The following PACRG variants were observed in gnomAD, a reference collection of about 807,000 sequenced individuals.
PACRG encodes the protein parkin coregulated gene protein.
In PACRG, 29 loss-of-function variants were observed where a neutral mutation model predicts 29.7. The ratio of observed to expected loss-of-function variants is 0.98; its 90% CI spans 0.73 to 1.33. The LOEUF is 1.33. Among genes scored for constraint, PACRG ranks in the 40% most tolerant of loss-of-function variants. PACRG has a pLI of 0.00. For synonymous variants in PACRG, 116 were observed against 118.7 expected, an observed-to-expected ratio of 0.98 and a Z score of 0.15; for missense variants, 279 against 316.2, an observed-to-expected ratio of 0.88 and a Z score of 0.89.
At chr6:163,293,514 T>TA (rs2128187869) in intron 4 of PACRG, among the ~76,000 whole-genome samples, 1 of 151,634 alleles carries the variant, frequency 6.6e-6, no homozygotes, top group East Asian at 1.9e-4. Context: ...GCTGACCGTG[T>TA]AGCTGACAGT....
At chr6:162,995,139 T>C (rs1485271238) in intron 2 of PACRG, among the ~76,000 whole-genome samples, 16 of 149,952 alleles carry the variant, frequency 1.1e-4, no homozygotes, top group African/African-American at 4.0e-4. Context: ...CACTGCTCTC[T>C]TCAAAGCTGT....
At chr6:162,867,796 CA>C in intron 2 of PACRG, among the ~76,000 whole-genome samples, 1 of 152,252 alleles carries the variant, frequency 6.6e-6, no homozygotes, top group Non-Finnish European at 1.5e-5. Flanking sequence ...TTTTCTCCAG[CA>C]AGAGAAGATG....
intron 2 of PACRG, among the ~76,000 whole-genome samples, chr6:162,859,582 C>T (rs999217948): frequency 5.9e-5 from 9 of 152,114 alleles, no homozygotes; most frequent in African/African-American, 2.2e-4. Context: ...TTCATAGAAA[C>T]CAAAATTTCT....
At chr6:162,773,660 G>T (rs1161335247) in intron 1 of PACRG, among the ~76,000 whole-genome samples, 3 of 151,306 alleles carry the variant, frequency 2.0e-5, no homozygotes, top group Non-Finnish European at 2.9e-5. Flanking sequence ...GACTACAGGC[G>T]CCCGCCACCG....
chr6:162,759,375 G>A (rs1330830636), intron 1 of PACRG, among the ~76,000 whole-genome samples: 2 of 152,158 alleles, frequency 1.3e-5, no homozygotes, highest in East Asian at 1.9e-4. Flanking sequence ...AACCATGGCT[G>A]TAGGTTATGT....
intron 4 of PACRG, among the ~76,000 whole-genome samples, chr6:163,168,400 C>T (rs978491043): frequency 4.8e-5 from 7 of 146,888 alleles, no homozygotes; most frequent in South Asian, 4.8e-4. Context: ...TCCCTGGGGC[C>T]GGGGTTGCGG....
At chr6:163,172,575 T>A (rs1779139940) in intron 4 of PACRG, among the ~76,000 whole-genome samples, 1 of 152,188 alleles carries the variant, frequency 6.6e-6, no homozygotes, top group Non-Finnish European at 1.5e-5. Context: ...GGAAGAAGAA[T>A]GCAGCGTTCA....
chr6:162,987,667 C>T (rs1187452881), intron 2 of PACRG, among the ~76,000 whole-genome samples: 1 of 152,176 alleles, frequency 6.6e-6, no homozygotes, highest in African/African-American at 2.4e-5. Context: ...GTCCATTAAA[C>T]CTCTTTTTCT....
At chr6:162,844,511 G>T in intron 2 of PACRG, among the ~76,000 whole-genome samples, 1 of 152,208 alleles carries the variant, frequency 6.6e-6, no homozygotes, top group East Asian at 1.9e-4. Context: ...TCCCTAGTGA[G>T]ATGAACCCGG....
intron 2 of PACRG, among the ~76,000 whole-genome samples, chr6:162,967,428 C>T (rs1188093315): frequency 6.6e-6 from 1 of 152,014 alleles, no homozygotes; most frequent in Non-Finnish European, 1.5e-5. Context: ...ATCTATGTCA[C>T]ATCTACTGTG....
chr6:163,162,874 A>T (rs1778615878), intron 4 of PACRG, among the ~76,000 whole-genome samples: 1 of 152,184 alleles, frequency 6.6e-6, no homozygotes, highest in Non-Finnish European at 1.5e-5. Flanking sequence ...AGACAGAGCC[A>T]GTCCTTCTGG....
At chr6:162,787,598 A>G (rs1354606245) in intron 1 of PACRG, among the ~76,000 whole-genome samples, 6 of 136,928 alleles carry the variant, frequency 4.4e-5, no homozygotes, top group East Asian at 2.3e-4. Flanking sequence ...ATATATATAT[A>G]TATATATATA....
intron 2 of PACRG, among the ~76,000 whole-genome samples, chr6:162,894,813 A>T (rs1219494832): frequency 6.6e-6 from 1 of 152,226 alleles, no homozygotes; most frequent in Admixed American, 6.5e-5. Flanking sequence ...GAACATTTTC[A>T]TTGAAACAGA....
At chr6:163,010,469 C>T (rs1458565135) in intron 2 of PACRG, among the ~76,000 whole-genome samples, 1 of 152,146 alleles carries the variant, frequency 6.6e-6, no homozygotes, top group Non-Finnish European at 1.5e-5. Context: ...CAATCCTACT[C>T]ATCCATCAGT....
At chr6:162,783,024 C>G (rs1413344811) in intron 1 of PACRG, among the ~76,000 whole-genome samples, 1 of 151,812 alleles carries the variant, frequency 6.6e-6, no homozygotes. Flanking sequence ...CCACTTTTTT[C>G]TCCACTAACT....
chr6:163,300,297 A>G (rs143663523), intron 4 of PACRG, among the ~76,000 whole-genome samples: 1 of 152,362 alleles, frequency 6.6e-6, no homozygotes, highest in East Asian at 1.9e-4. Context: ...GGTCCAGGGC[A>G]GGAGCTCTGA....
At chr6:163,144,043 A>G (rs1237298901) in intron 4 of PACRG, among the ~76,000 whole-genome samples, 1 of 152,096 alleles carries the variant, frequency 6.6e-6, no homozygotes, top group Non-Finnish European at 1.5e-5. Flanking sequence ...AGCCTGGCCA[A>G]CACGGTGAAA....
intron 1 of PACRG, among the ~76,000 whole-genome samples, chr6:162,811,903 G>A: frequency 6.6e-6 from 1 of 152,020 alleles, no homozygotes; most frequent in East Asian, 1.9e-4. Context: ...CGCTCAAAAA[G>A]TTTCAGATTT....
intron 1 of PACRG, among the ~76,000 whole-genome samples, chr6:162,773,692 T>G (rs1783420063): frequency 6.6e-6 from 1 of 151,660 alleles, no homozygotes; most frequent in Non-Finnish European, 1.5e-5. Context: ...TTTTTTTGTA[T>G]TTTTAGTAGA....
Sources: allele counts gnomAD v4.1 joint callset (sites outside exome capture counted in the v4.1 genomes callset), GRCh38; gene constraint gnomAD v4.1.1; transcripts MANE v1.5; gene names NCBI Gene and HGNC (gene_info 2026-07-23, HGNC 2026-07-21).